HTR3E: variants seen among roughly 807,000 people sequenced by gnomAD.
The protein encoded by HTR3E is 5-hydroxytryptamine (serotonin) receptor 3, family member E.
Under a neutral mutation model 38.0 loss-of-function variants are expected in HTR3E, and 38 were observed. That is an observed-to-expected ratio of 1.00 (90% CI 0.77 to 1.31). HTR3E has a LOEUF of 1.31. Among genes scored for constraint, HTR3E ranks in the 50% most tolerant of loss-of-function variants. The pLI, the probability that HTR3E is intolerant of heterozygous loss-of-function variation, is 0.00. For missense variants in HTR3E, 547 were observed against 585.2 expected (o/e 0.93, Z 0.67); for synonymous variants, 210 against 232.9 (o/e 0.90, Z 0.89).
chr3:184,105,440 G>T lies in HTR3E; in HGVS notation c.720+13G>T. 1 of 1,584,130 alleles carries T rather than the reference G, an allele frequency of 6.3e-7. No homozygotes were observed. The highest frequency in any genetic ancestry group is 8.6e-7 in the Non-Finnish European group (1 of 1,167,118). On this transcript the variant is annotated intron_variant, in intron 6 of 8. Transcript: ENST00000415389. ...GATCGTGTTCTATGTGAGCTTGGAG[G>T]CTCTTACTCTTTCCTTCCTCCCGCA...
Position 184,106,220 on chromosome 3 carries a change from C to T in HTR3E, c.1018C>T (p.Pro340Ser), listed in dbSNP as rs1487262536. ...THLLHVATTQPPPLPRWLHSL... is the reference protein window; with the variant it reads ...THLLHVATTQSPPLPRWLHSL... Reference sequence around the variant, plus strand: ...CCTGCTGCACGTGGCCACCACCCAGCCCCCACCCCTGCCTCGGTGGCTCCA... The same window carrying T: ...CCTGCTGCACGTGGCCACCACCCAGTCCCCACCCCTGCCTCGGTGGCTCCA... The change falls in exon 8 of 9, where the codon CCC (proline) becomes TCC (serine). Residue 340 changes from proline to serine, a missense_variant. Physicochemically the swap from Pro to Ser is moderately conservative, Grantham distance 74. Transcript: ENST00000415389. This position sits in a 1 kb window ranked among gnomAD's most constrained non-coding sequence, Gnocchi z 4.1. 1.2e-6 allele frequency: 2 copies of T among 1,612,728 alleles called. No homozygotes were observed. The highest frequency in any genetic ancestry group is 1.7e-6 in the Non-Finnish European group (2 of 1,180,018).
Position 184,104,278 on chromosome 3 carries a change from T to C in HTR3E, c.376T>C (p.Phe126Leu). ...CAAGAACCTGTGGCTCCCAGACATTTTCATCATTGAACTGTGCGTATCAAG... is the reference window on the plus strand; with the variant it reads ...CAAGAACCTGTGGCTCCCAGACATTCTCATCATTGAACTGTGCGTATCAAG... Reference protein sequence around the residue: ...AAKNLWLPDIFIIELMDVDKT... With the variant: ...AAKNLWLPDILIIELMDVDKT... Residue 126 changes from phenylalanine to leucine, a missense_variant, in exon 4 of 9, where the codon TTC becomes CTC. Physicochemically the swap from Phe to Leu is conservative, Grantham distance 22. Coordinates refer to ENST00000415389, the MANE Select transcript of HTR3E (RefSeq NM_001256613.2). 1.2e-6 allele frequency: 2 copies of C among 1,611,942 alleles called. No individual in the cohort carries two copies. Among genetic ancestry groups the C allele is most frequent in the Non-Finnish European group, 1.7e-6 (2 of 1,179,006 alleles).
chr3:184,099,728 A>AAAAAC (rs1254477441), intron 1 of HTR3E, among the ~76,000 whole-genome samples: 1 of 145,132 alleles, frequency 6.9e-6, no homozygotes, highest in Non-Finnish European at 1.5e-5. Flanking sequence ...CTCAAAAAAA[A>AAAAAC]AAAAAAAAAA....
intron 1 of HTR3E, chr3:184,100,132 A>T: frequency 2.3e-6 from 3 of 1,317,398 alleles, no homozygotes; most frequent in Non-Finnish European, 2.9e-6. Flanking sequence ...TCTTCATCTC[A>T]TCCCTGGGGA....
chr3:184,102,907 A>G (rs13099128), intron 3 of HTR3E, among the ~76,000 whole-genome samples: 46,793 of 151,682 alleles, frequency 0.31, 8,425 homozygotes, highest in South Asian at 0.47. Flanking sequence ...CTTAGGCTAC[A>G]GAGTGAGACT....
chr3:184,103,399 G>A (rs1403243532), intron 3 of HTR3E, among the ~76,000 whole-genome samples: 1 of 152,146 alleles, frequency 6.6e-6, no homozygotes, highest in Non-Finnish European at 1.5e-5. Flanking sequence ...GAAGGCCGAG[G>A]CGGGTGGATC....
intron 2 of HTR3E, 83 bp from the exon 3 acceptor site, chr3:184,101,402 T>G (rs2108990524): frequency 8.9e-7 from 1 of 1,129,758 alleles, no homozygotes; most frequent in Non-Finnish European, 1.4e-6. Context: ...ACCTTGGGAG[T>G]TGGTAAACAA....
At position 184,100,620 on chromosome 3, in the gene HTR3E, TCTC is replaced by T. The variant is rs1361969036; in HGVS notation, c.206_208del (p.Ser69del). The T allele has an allele frequency of 1.9e-6, 3 of 1,613,856 alleles. No homozygotes were observed. In the African/African-American group the frequency reaches 4.0e-5, roughly 22 times the overall value. ...ATCAGCGTCCCCACCCAAGTCAACA[TCTC>T]CTTCGCGATGTCTGCCATCCTAGAT... On this transcript the variant is annotated inframe_deletion, in exon 2 of 9. Coordinates refer to ENST00000415389, the MANE Select transcript of HTR3E (RefSeq NM_001256613.2).
intron 2 of HTR3E, among the ~76,000 whole-genome samples, chr3:184,101,262 G>C (rs867354433): frequency 3.9e-5 from 6 of 152,146 alleles, no homozygotes; most frequent in Non-Finnish European, 7.3e-5. Context: ...AGCTTCTCGA[G>C]TTATTCTCAT....
chr3:184,105,013 A>C, intron 5 of HTR3E, 57 bp downstream of exon 5: 2 of 1,502,042 alleles, frequency 1.3e-6, no homozygotes, highest in Non-Finnish European at 1.8e-6. Flanking sequence ...ACAAATATAA[A>C]GAAACTATGA....
chr3:184,104,011 A>G (rs1195598308), intron 3 of HTR3E, 171 bp from the exon 4 acceptor site: 2 of 490,276 alleles, frequency 4.1e-6, no homozygotes, highest in African/African-American at 2.0e-5. Context: ...TTGAAAAAAA[A>G]GCAAGTAAAT....
Position 184,104,831 on chromosome 3 carries a change from G to A in HTR3E, c.434G>A (p.Ser145Asn). The A allele has an allele frequency of 6.2e-7, 1 of 1,613,674 alleles. No individual in the cohort carries two copies. The highest frequency in any genetic ancestry group is 8.5e-7 in the Non-Finnish European group (1 of 1,179,862). Reference protein sequence around the residue: ...KTPKGLTAYVSNEGRIRYKKP... With the variant: ...KTPKGLTAYVNNEGRIRYKKP... ...CCAAAAGGCCTCACAGCATATGTAA[G>A]TAATGAAGGTCGCATCAGGTATAAG... is the stretch of plus-strand genomic sequence containing the variant. The change falls in exon 5 of 9, where the codon AGT becomes AAT. Residue 145 changes from serine (S) to asparagine (N), a missense_variant. Physicochemically the swap from Ser to Asn is conservative, Grantham distance 46. Coordinates refer to ENST00000415389, the MANE Select transcript of HTR3E (RefSeq NM_001256613.2).
intron 1 of HTR3E, 53 bp downstream of exon 1, chr3:184,097,649 G>C (rs1339195114): frequency 7.2e-7 from 1 of 1,387,506 alleles, no homozygotes; most frequent in Non-Finnish European, 9.9e-7. Flanking sequence ...CCTCTCTCTA[G>C]TAGAACATCT....
intron 4 of HTR3E, 65 bp from the exon 5 acceptor site, chr3:184,104,716 CAAAAAA>C (rs66667882): frequency 0.013 from 11,123 of 829,780 alleles, 2 homozygotes; most frequent in South Asian, 0.023. Context: ...GATCCTGTCT[CAAAAAA>C]AAAAAAAAAA....
intron 3 of HTR3E, among the ~76,000 whole-genome samples, chr3:184,101,965 G>A (rs1435103499): frequency 1.3e-5 from 2 of 152,232 alleles, no homozygotes; most frequent in Non-Finnish European, 2.9e-5. Context: ...GCTCCAGGCT[G>A]AGCAACAGAG....
chr3:184,100,365 C>T (rs1372117363), intron 1 of HTR3E, 120 bp from the exon 2 acceptor site: 6 of 1,612,544 alleles, frequency 3.7e-6, no homozygotes, highest in Non-Finnish European at 5.1e-6. Context: ...ACAGCCAGTG[C>T]TCAACAAATG....
chr3:184,101,259 C>T (rs1712024474), intron 2 of HTR3E, among the ~76,000 whole-genome samples: 1 of 152,136 alleles, frequency 6.6e-6, no homozygotes, highest in South Asian at 2.1e-4. Flanking sequence ...TTAAGCTTCT[C>T]GAGTTATTCT....
At position 184,106,023 on chromosome 3, in the gene HTR3E, G is replaced by A. The variant is rs187688425; in HGVS notation, c.925+54G>A. ...AAGGGTGGGAACTAACTCAGGAAGG[G>A]AGGTATTTTGGAAAAAGGAGGCCGT... On this transcript the variant is annotated intron_variant, in intron 7 of 8. Transcript: ENST00000415389. The surrounding 1 kb of genome is among the most constrained non-coding windows in gnomAD (Gnocchi z 4.1). The A allele has an allele frequency of 5.8e-5, 94 of 1,611,526 alleles. No individual in the cohort carries two copies. In the African/African-American group the frequency reaches 1.1e-3, roughly 18 times the overall value.
chr3:184,105,374 G>A lies in HTR3E; in HGVS notation c.667G>A (p.Ala223Thr). ...GEWELLGLSK[A>T]TAKLSRGGNL... ...ATGGGAGCTCCTGGGCCTCAGCAAG[G>A]CCACCGCAAAGTTGTCCAGGGGAGG... is the stretch of plus-strand genomic sequence containing the variant. Residue 223 changes from alanine (A) to threonine (T), a missense_variant, in exon 6 of 9, where the codon GCC becomes ACC. Physicochemically the swap from Ala to Thr is moderately conservative, Grantham distance 58 (BLOSUM62 0). Coordinates refer to ENST00000415389, the MANE Select transcript of HTR3E (RefSeq NM_001256613.2). 1 of 1,614,130 alleles carries A rather than the reference G, an allele frequency of 6.2e-7. No homozygotes were observed. Among genetic ancestry groups the A allele is most frequent in the Admixed American group, 1.7e-5 (1 of 60,008 alleles).
Sources: gnomAD v4.1 joint callset for allele counts (sites outside exome capture counted in the v4.1 genomes callset) on GRCh38, gnomAD v4.1.1 for gene constraint, Gnocchi (gnomAD v3.1) non-coding constraint, MANE v1.5 for transcripts, NCBI Gene and HGNC (gene_info 2026-07-23, HGNC 2026-07-21) for gene names.